The following RALGAPA1 variants were observed in gnomAD, a reference collection of about 807,000 sequenced individuals.
RALGAPA1 encodes the protein Ral GTPase activating protein catalytic subunit alpha 1, also known as ral GTPase-activating protein subunit alpha-1.
A neutral mutation model predicts 269.6 loss-of-function variants in RALGAPA1; 52 were observed. The observed-to-expected ratio is 0.19, with a 90% CI of 0.15 to 0.24. The LOEUF is 0.24. Ranked by LOEUF, RALGAPA1 falls within the 10% of genes least tolerant of loss-of-function variation. The pLI is 1.00. For synonymous variants in RALGAPA1, 817 were observed against 1,008.3 expected, an observed-to-expected ratio of 0.81 and a Z score of 3.60; for missense variants, 1,917 against 3,013.9, an observed-to-expected ratio of 0.64 and a Z score of 8.52.
intron 31 of RALGAPA1, among the ~76,000 whole-genome samples, chr14:35,644,846 A>G (rs937191245): frequency 2.0e-5 from 3 of 152,186 alleles, no homozygotes; most frequent in Admixed American, 6.5e-5. Context: ...GCAAAACACC[A>G]TGGCACTTGT....
chr14:35,652,364 T>TTATATATATATATATATATATA (rs10645179), intron 30 of RALGAPA1, among the ~76,000 whole-genome samples: 9 of 147,888 alleles, frequency 6.1e-5, no homozygotes, highest in African/African-American at 2.2e-4. Flanking sequence ...GGCCTTTTGT[T>TTATATATATATATATATATATA]TATATATATA....
At chr14:35,790,801 T>C (rs2076111158) in intron 1 of RALGAPA1, among the ~76,000 whole-genome samples, 1 of 152,148 alleles carries the variant, frequency 6.6e-6, no homozygotes, top group Admixed American at 6.5e-5. Context: ...AATCAGGTCA[T>C]GTACATTTTC....
chr14:35,762,846 C>T (rs1337595440), intron 4 of RALGAPA1, 93 bp from the exon 5 acceptor site: 2 of 730,770 alleles, frequency 2.7e-6, no homozygotes, highest in Non-Finnish European at 4.9e-6. Context: ...TTAAATAAGT[C>T]CTTGGCAACC....
intron 12 of RALGAPA1, among the ~76,000 whole-genome samples, chr14:35,733,800 A>T (rs1331211401): frequency 1.3e-5 from 2 of 152,082 alleles, no homozygotes; most frequent in African/African-American, 4.8e-5. Flanking sequence ...TGAAAAGATA[A>T]ATAAAATTGA....
At chr14:35,784,952 G>C (rs1467880311) in intron 1 of RALGAPA1, among the ~76,000 whole-genome samples, 1 of 152,198 alleles carries the variant, frequency 6.6e-6, no homozygotes, top group Non-Finnish European at 1.5e-5. Flanking sequence ...GGAGGCTGAA[G>C]TGGGAGGATA....
intron 17 of RALGAPA1, 37 bp from the exon 18 acceptor site, chr14:35,690,040 C>A: frequency 1.5e-6 from 2 of 1,346,420 alleles, no homozygotes; most frequent in African/African-American, 1.5e-5. Flanking sequence ...AGAAGAACTA[C>A]ACAAATATAA....
chr14:35,583,866 C>G (rs1018191002), intron 37 of RALGAPA1, among the ~76,000 whole-genome samples: 2 of 152,106 alleles, frequency 1.3e-5, no homozygotes, highest in African/African-American at 2.4e-5. Flanking sequence ...TGAAATTACC[C>G]TTCAGAAGTG....
At chr14:35,716,492 C>T (rs921274841) in intron 16 of RALGAPA1, among the ~76,000 whole-genome samples, 2 of 151,270 alleles carry the variant, frequency 1.3e-5, no homozygotes, top group African/African-American at 4.9e-5. Context: ...GATCATCCTT[C>T]TATATACCAT....
At chr14:35,699,173 G>C (rs1042296352) in intron 17 of RALGAPA1, among the ~76,000 whole-genome samples, 1 of 152,076 alleles carries the variant, frequency 6.6e-6, no homozygotes, top group African/African-American at 2.4e-5. Context: ...TTATATTATG[G>C]TTCCAAAGTT....
intron 13 of RALGAPA1, among the ~76,000 whole-genome samples, chr14:35,727,219 A>G (rs2070019521): frequency 6.6e-6 from 1 of 150,528 alleles, no homozygotes; most frequent in African/African-American, 2.4e-5. Context: ...AATAAAATAC[A>G]TATAAGAATG....
chr14:35,728,309 T>C (rs2070157007), intron 13 of RALGAPA1, 53 bp downstream of exon 13: 1 of 1,382,620 alleles, frequency 7.2e-7, no homozygotes. Flanking sequence ...AAAATTACTA[T>C]ACCTGTGTAC....
At chr14:35,802,459 TTAGGTA>T (rs2077046388) in intron 1 of RALGAPA1, among the ~76,000 whole-genome samples, 1 of 152,070 alleles carries the variant, frequency 6.6e-6, no homozygotes, top group African/African-American at 2.4e-5. Context: ...TAGAAAGTAT[TTAGGTA>T]TAAGTCTGAC....
intron 26 of RALGAPA1, among the ~76,000 whole-genome samples, chr14:35,670,862 G>A (rs576780789): frequency 2.3e-4 from 35 of 151,842 alleles, no homozygotes; most frequent in African/African-American, 8.2e-4. Context: ...GGCGGAGGCT[G>A]CAGTGAGCCA....
At chr14:35,806,357 G>T (rs1449084976) in intron 1 of RALGAPA1, among the ~76,000 whole-genome samples, 2 of 151,740 alleles carry the variant, frequency 1.3e-5, no homozygotes, top group East Asian at 3.9e-4. Flanking sequence ...GGGGGGAGGG[G>T]GTAGGTAGAA....
chr14:35,567,793 CAA>C (rs1487531116), intron 39 of RALGAPA1, among the ~76,000 whole-genome samples: 4 of 152,144 alleles, frequency 2.6e-5, no homozygotes, highest in Non-Finnish European at 1.5e-5. Flanking sequence ...TTTTATGACA[CAA>C]GAGGCAAATA....
chr14:35,565,354 T>C (rs931973246), intron 39 of RALGAPA1, among the ~76,000 whole-genome samples: 1 of 150,462 alleles, frequency 6.6e-6, no homozygotes, highest in Non-Finnish European at 1.5e-5. Flanking sequence ...ACATATATTA[T>C]ACTCTTAATT....
intron 1 of RALGAPA1, among the ~76,000 whole-genome samples, chr14:35,790,120 GCA>G (rs2076051811): frequency 6.6e-6 from 1 of 151,856 alleles, no homozygotes; most frequent in South Asian, 2.1e-4. Flanking sequence ...AGGCATGGTG[GCA>G]TGCACCTGTG....
chr14:35,559,624 G>A (rs1158925031), intron 39 of RALGAPA1, among the ~76,000 whole-genome samples: 1 of 152,058 alleles, frequency 6.6e-6, no homozygotes, highest in Non-Finnish European at 1.5e-5. Flanking sequence ...CTTTCTTCTC[G>A]TGCACTGTGA....
intron 41 of RALGAPA1, among the ~76,000 whole-genome samples, chr14:35,541,480 T>C (rs1302832882): frequency 6.6e-6 from 1 of 152,206 alleles, no homozygotes; most frequent in Non-Finnish European, 1.5e-5. Flanking sequence ...CATTATTTTC[T>C]AATTGAAATA....
Sources: gnomAD v4.1 joint callset for allele counts (sites outside exome capture counted in the v4.1 genomes callset) on GRCh38, gnomAD v4.1.1 for gene constraint, MANE v1.5 for transcripts, NCBI Gene and HGNC (gene_info 2026-07-23, HGNC 2026-07-21) for gene names.